The following POU2F2 variants were observed in gnomAD, a reference collection of about 807,000 sequenced individuals.
The protein encoded by POU2F2 is POU domain, class 2, transcription factor 2.
Under a neutral mutation model 63.5 loss-of-function variants are expected in POU2F2, and 14 were observed. The observed-to-expected ratio is 0.22, with a 90% CI of 0.15 to 0.34. POU2F2 has a LOEUF of 0.34. POU2F2 is among the 10% of genes least tolerant of loss of function. POU2F2 has a pLI of 1.00. For missense variants in POU2F2, 607 were observed against 815.2 expected (o/e 0.74, Z 3.11); for synonymous variants, 306 against 348.6 (o/e 0.88, Z 1.36).
upstream of POU2F2, among the ~76,000 whole-genome samples, chr19:42,178,467 G>A (rs1421091170): frequency 3.3e-5 from 5 of 152,126 alleles, no homozygotes; most frequent in Non-Finnish European, 1.5e-5. Flanking sequence ...ACAGAGATAG[G>A]AAGACATAGA....
At chr19:42,118,887 G>T (rs2032246714) in intron 4 of POU2F2, among the ~76,000 whole-genome samples, 1 of 152,234 alleles carries the variant, frequency 6.6e-6, no homozygotes, top group Non-Finnish European at 1.5e-5. Flanking sequence ...GTTGGCAGGG[G>T]GGTGATATTT....
chr19:42,143,548 C>T (rs1484389892), intron 2 of POU2F2, among the ~76,000 whole-genome samples: 1 of 152,114 alleles, frequency 6.6e-6, no homozygotes, highest in Admixed American at 6.5e-5. Flanking sequence ...GGGCCAAGGC[C>T]GCTGTCCAGG....
At chr19:42,147,808 C>G (rs1446525401) in intron 2 of POU2F2, among the ~76,000 whole-genome samples, 1 of 152,132 alleles carries the variant, frequency 6.6e-6, no homozygotes, top group East Asian at 1.9e-4. Context: ...AGACCTGGAA[C>G]CTAGAGGATG....
chr19:42,179,240 G>A (rs1226310667), upstream of POU2F2, among the ~76,000 whole-genome samples: 1 of 152,032 alleles, frequency 6.6e-6, no homozygotes, highest in East Asian at 1.9e-4. Flanking sequence ...CAGCAGAAAG[G>A]AGAGGAGTGG....
intron 1 of POU2F2, among the ~76,000 whole-genome samples, chr19:42,188,738 A>C (rs2035042290): frequency 7.2e-6 from 1 of 138,094 alleles, no homozygotes; most frequent in African/African-American, 2.6e-5. Context: ...GGAAGAAGGA[A>C]AGAAGGGAGG....
At chr19:42,105,597 G>T (rs1254780103) in intron 5 of POU2F2, among the ~76,000 whole-genome samples, 2 of 152,190 alleles carry the variant, frequency 1.3e-5, no homozygotes, top group Non-Finnish European at 2.9e-5. Context: ...CGAGAGGAAA[G>T]AATGGGGAAA....
At chr19:42,172,293 T>G (rs1309313414) in intron 1 of POU2F2, among the ~76,000 whole-genome samples, 1 of 152,214 alleles carries the variant, frequency 6.6e-6, no homozygotes, top group Non-Finnish European at 1.5e-5. Flanking sequence ...AGGCTGGGAT[T>G]GGTTCTGCTT....
chr19:42,147,737 A>T (rs967813159), intron 2 of POU2F2, among the ~76,000 whole-genome samples: 1 of 152,230 alleles, frequency 6.6e-6, no homozygotes, highest in African/African-American at 2.4e-5. Flanking sequence ...TGAGGATCCA[A>T]ATAGTCAATG....
At chr19:42,125,640 C>T (rs2033129566) in intron 1 of POU2F2, among the ~76,000 whole-genome samples, 1 of 152,178 alleles carries the variant, frequency 6.6e-6, no homozygotes, top group South Asian at 2.1e-4. Flanking sequence ...TAAATCCCAC[C>T]CCTCCTAGCA....
chr19:42,151,081 C>G (rs987534677), intron 2 of POU2F2, among the ~76,000 whole-genome samples: 1 of 152,254 alleles, frequency 6.6e-6, no homozygotes, highest in Non-Finnish European at 1.5e-5. Context: ...TGCTCACTCC[C>G]GGAGCCATTT....
rs777366200 is a variant in POU2F2, at chr19:42,099,546, C to T, written c.548G>A (p.Arg183Gln). ...TCTCACCTGTGTGGGAAGCCCGGCC[C>T]GGGGCTGGGAGGTCAGAAGAGCTCC... ...TQGALLTSQP[R>Q]AGLPTQAVTR... The change falls in exon 7 of 15, where the codon CGG (arginine) becomes CAG (glutamine). Residue 183 changes from arginine to glutamine, a missense_variant. Physicochemically the swap from Arg to Gln is conservative, Grantham distance 43. This residue lies in a region of POU2F2 where 224 missense variants were observed against 264.3 expected (regional missense o/e 0.85). Transcript: ENST00000692977. 87 of 1,613,534 alleles carry T rather than the reference C, an allele frequency of 5.4e-5. 2 individuals are homozygous for T. In the South Asian group the frequency reaches 6.6e-4, roughly 12 times the overall value.
rs71336804 is a variant in POU2F2 at position 42,171,431 on chromosome 19, CGTGTGTGTGTGT to C, written c.-70+4520_-70+4531del. On this transcript the variant is annotated intron_variant, in intron 1 of 6. Transcript: ENST00000524801. ...AGATGGAATGTCAGGGGCTGCGCTT[CGTGTGTGTGTGT>C]GTGTGTGTGTGTGTGTGTGTGTGTG... Among the ~76,000 whole-genome samples, 122 of 138,640 alleles carry C rather than the reference CGTGTGTGTGTGT, an allele frequency of 8.8e-4. 2 individuals are homozygous for C. The highest frequency in any genetic ancestry group is 2.1e-3 in the African/African-American group (80 of 37,908). 91.0% of individuals were successfully genotyped at this position (138,640 alleles called of 152,430 possible).
rs2076937886 is a variant in POU2F2, at chr19:42,096,792, G to T, written c.568-549C>A. 6.6e-6 allele frequency among the ~76,000 whole-genome samples: 1 copy of T among 152,172 alleles called. No individual in the cohort carries two copies. Among genetic ancestry groups the T allele is most frequent in the African/African-American group, 2.4e-5 (1 of 41,420 alleles). Reference sequence around the variant, plus strand: ...ACCCTAATGTCAGCTATGAACTTTGGGTAATAGTGATGTGTCAATGTAGGT... The same window carrying T: ...ACCCTAATGTCAGCTATGAACTTTGTGTAATAGTGATGTGTCAATGTAGGT... On this transcript the variant is annotated intron_variant, in intron 7 of 14. Transcript: ENST00000692977. The surrounding 1 kb of genome is among the most constrained non-coding windows in gnomAD (Gnocchi z 4.1).
At chr19:42,171,946 G>C (rs2034778494) in intron 1 of POU2F2, among the ~76,000 whole-genome samples, 1 of 152,178 alleles carries the variant, frequency 6.6e-6, no homozygotes, top group Non-Finnish European at 1.5e-5. Context: ...AGATGCATGT[G>C]TATATGTGTA....
chr19:42,164,249 G>A (rs191385556), intron 1 of POU2F2, among the ~76,000 whole-genome samples: 11 of 146,986 alleles, frequency 7.5e-5, no homozygotes, highest in African/African-American at 1.5e-4. Flanking sequence ...CTGAGATTGC[G>A]CCACTGCACT....
intron 1 of POU2F2, among the ~76,000 whole-genome samples, chr19:42,192,215 T>C (rs1266156968): frequency 1.3e-5 from 2 of 151,974 alleles, no homozygotes; most frequent in African/African-American, 2.4e-5. Context: ...CAGGAGAGCA[T>C]GGGTTGGGGT....
chr19:42,099,544 C>G lies in POU2F2; in HGVS notation c.550G>C (p.Ala184Pro). 1 of 1,613,538 alleles carries G rather than the reference C, an allele frequency of 6.2e-7. No individual in the cohort carries two copies. Among genetic ancestry groups the G allele is most frequent in the Non-Finnish European group, 8.5e-7 (1 of 1,179,454 alleles). ...QGALLTSQPR[A>P]GLPTQAVTRP... ...AGTCTCACCTGTGTGGGAAGCCCGG[C>G]CCGGGGCTGGGAGGTCAGAAGAGCT... Residue 184 changes from alanine (A) to proline (P), a missense_variant, in exon 7 of 15, where the codon GCC (alanine) becomes CCC (proline). Around this residue, in one of 7 missense-constraint regions of POU2F2, gnomAD observed 224 missense variants for 264.3 expected, o/e 0.85. Coordinates refer to ENST00000692977, the MANE Select transcript of POU2F2 (RefSeq NM_001394376.1).
Position 42,123,263 on chromosome 19 carries a change from C to A in POU2F2, c.29-687G>T, listed in dbSNP as rs115224401. ...CCCTGAGCTTGTCCTCCAATCTAAA[C>A]CTGATCTGGGACTTCACGCTTGAGC... On this transcript the variant is annotated intron_variant, in intron 1 of 14. Coordinates refer to ENST00000692977, the MANE Select transcript of POU2F2 (RefSeq NM_001394376.1). 1,187 of 152,612 alleles carry A rather than the reference C, an allele frequency of 7.8e-3. 15 individuals are homozygous for A. Among genetic ancestry groups the A allele is most frequent in the African/African-American group, 0.027 (1,136 of 41,540 alleles). 9.5% of individuals were successfully genotyped at this position (152,612 alleles called of 1,614,324 possible). A position where few individuals can be genotyped will look rare whatever the true frequency, so the allele number is the denominator to read the frequency against.
At chr19:42,177,983 A>C (rs1345227893), upstream of POU2F2, among the ~76,000 whole-genome samples, 9 of 152,070 alleles carry the variant, frequency 5.9e-5, no homozygotes, top group Admixed American at 5.9e-4. Flanking sequence ...TGGGGAGCAC[A>C]GGGGACTCAA....
Sources: allele counts gnomAD v4.1 joint callset (sites outside exome capture counted in the v4.1 genomes callset), GRCh38; gene constraint gnomAD v4.1.1; regional missense constraint gnomAD v4.1.1; non-coding constraint Gnocchi (gnomAD v3.1); transcripts MANE v1.5; gene names NCBI Gene and HGNC (gene_info 2026-07-23, HGNC 2026-07-21).